ST14: variants seen among roughly 807,000 people sequenced by gnomAD.
The protein encoded by ST14 is ST14 transmembrane serine protease matriptase.
A neutral mutation model predicts 96.5 loss-of-function variants in ST14; 40 were observed. That is an observed-to-expected ratio of 0.41 (90% CI 0.32 to 0.54). The LOEUF (loss-of-function observed/expected upper bound fraction) is 0.54. Ranked by LOEUF, ST14 falls within the 20% of genes least tolerant of loss-of-function variation. ST14 has a pLI of 0.17. For missense variants in ST14, 1,066 were observed against 1,188.9 expected, an observed-to-expected ratio of 0.90 and a Z score of 1.52; for synonymous variants, 506 against 492.1, an observed-to-expected ratio of 1.03 and a Z score of -0.37.
At chr11:130,165,384 G>A (rs569627116) in intron 1 of ST14, among the ~76,000 whole-genome samples, 1 of 152,346 alleles carries the variant, frequency 6.6e-6, no homozygotes, top group Admixed American at 6.5e-5. Flanking sequence ...GCCTGGCCTG[G>A]TTGGCAGTGG....
At position 130,190,117 on chromosome 11, in the gene ST14, G is replaced by C. The variant is rs139316772; in HGVS notation, c.603G>C (p.Thr201=). The C allele has an allele frequency of 6.2e-7, 1 of 1,614,180 alleles. No individual in the cohort carries two copies. The highest frequency in any genetic ancestry group is 2.2e-5 in the East Asian group (1 of 44,872). ...ATTCTCCTTCTTATTCTTCAGCCAC[G>C]GACTCCAAAACAGTACAGAGGACCC... is the stretch of plus-strand genomic sequence containing the variant. ...FVVTSVVAFP[T]DSKTVQRTQD... Residue 201 remains threonine (T), a synonymous_variant, in exon 6 of 19, where the codon ACG becomes ACC. Transcript: ENST00000278742.
chr11:130,178,259 T>G (rs1284294801), intron 1 of ST14, among the ~76,000 whole-genome samples: 1 of 151,988 alleles, frequency 6.6e-6, no homozygotes, highest in African/African-American at 2.4e-5. Flanking sequence ...AGCTGGGTCA[T>G]TTGTCGGTCT....
At chr11:130,192,893 T>C (rs1321014962) in intron 7 of ST14, among the ~76,000 whole-genome samples, 6 of 152,206 alleles carry the variant, frequency 3.9e-5, no homozygotes, top group African/African-American at 1.2e-4. Flanking sequence ...ATGACATGGT[T>C]GTGAGCAGTG....
Position 130,180,097 on chromosome 11 carries a change from C to T in ST14, c.82-8017C>T, listed in dbSNP as rs144267328. On this transcript the variant is annotated intron_variant, in intron 1 of 18. Transcript: ENST00000278742. ...TCCGTCCCACCTTGGAGTCACCGAG[C>T]GTGTCAGTCAAGAGCCTTGGCCACA... Among the ~76,000 whole-genome samples the T allele has an allele frequency of 1.2e-3, 185 of 152,338 alleles. No individual in the cohort carries two copies. In the South Asian group the frequency reaches 0.017, roughly 14 times the overall value.
Position 130,190,553 on chromosome 11 carries a change from A to T in ST14, c.734A>T (p.Gln245Leu). The T allele has an allele frequency of 6.2e-7, 1 of 1,612,282 alleles. No individual in the cohort carries two copies. Among genetic ancestry groups the T allele is most frequent in the Non-Finnish European group, 8.5e-7 (1 of 1,179,824 alleles). The change falls in exon 7 of 19, where the codon CAG becomes CTG. Residue 245 changes from glutamine to leucine, a missense_variant. By Grantham distance (113) the Gln-to-Leu change is moderately radical. Transcript: ENST00000278742. Reference sequence around the variant, plus strand: ...CCCTACCCCGCTCATGCCCGCTGCCAGTGGGCCCTGCGGGGGGACGCCGAC... The same window carrying T: ...CCCTACCCCGCTCATGCCCGCTGCCTGTGGGCCCTGCGGGGGGACGCCGAC... ...DSPYPAHARCQWALRGDADSV... is the reference protein window; with the variant it reads ...DSPYPAHARCLWALRGDADSV...
At chr11:130,168,299 G>C (rs950234270) in intron 1 of ST14, among the ~76,000 whole-genome samples, 1 of 152,158 alleles carries the variant, frequency 6.6e-6, no homozygotes, top group African/African-American at 2.4e-5. Flanking sequence ...TTCTGGAAAC[G>C]GTGTCTTCAA....
chr11:130,171,888 A>C (rs1283748317), intron 1 of ST14, among the ~76,000 whole-genome samples: 1 of 152,208 alleles, frequency 6.6e-6, no homozygotes, highest in Non-Finnish European at 1.5e-5. Context: ...GTTAGGAAAA[A>C]GGGTTAATGA....
At chr11:130,194,036 G>A in intron 7 of ST14, 113 bp from the exon 8 acceptor site, 1 of 1,395,584 alleles carries the variant, frequency 7.2e-7, no homozygotes, top group Non-Finnish European at 1.0e-6. Context: ...CTGTGGATGG[G>A]ACCAGAGTTA....
At position 130,187,650 on chromosome 11, in the gene ST14, A is replaced by T; in HGVS notation, c.82-464A>T. On this transcript the variant is annotated intron_variant, in intron 1 of 18. Coordinates refer to ENST00000278742, the MANE Select transcript of ST14 (RefSeq NM_021978.4). This position sits in a 1 kb window ranked among gnomAD's most constrained non-coding sequence, Gnocchi z 4.5. ...AGGTGATGGGGGGATTGAATCTGGTAGGGGCTGTGTCCGAGGGAGCAGGGC... is the reference window on the plus strand; with the variant it reads ...AGGTGATGGGGGGATTGAATCTGGTTGGGGCTGTGTCCGAGGGAGCAGGGC... Among the ~76,000 whole-genome samples, 1 of 152,010 alleles carries T rather than the reference A, an allele frequency of 6.6e-6. No individual in the cohort carries two copies. Among genetic ancestry groups the T allele is most frequent in the East Asian group, 1.9e-4 (1 of 5,158 alleles).
chr11:130,201,048 T>C (rs1953422032), intron 16 of ST14, among the ~76,000 whole-genome samples: 1 of 152,242 alleles, frequency 6.6e-6, no homozygotes, highest in Admixed American at 6.5e-5. Flanking sequence ...GTTGTGAGAA[T>C]TAAATACAAT....
intron 1 of ST14, among the ~76,000 whole-genome samples, chr11:130,161,640 A>T (rs952600644): frequency 1.3e-5 from 2 of 152,254 alleles, no homozygotes; most frequent in Non-Finnish European, 1.5e-5. Context: ...CCCTGGCTTT[A>T]GTTTCCCCCA....
At chr11:130,177,145 G>GGGTC (rs924338554) in intron 1 of ST14, among the ~76,000 whole-genome samples, 2 of 152,106 alleles carry the variant, frequency 1.3e-5, no homozygotes, top group Admixed American at 1.3e-4. Flanking sequence ...CATCCTCAGG[G>GGGTC]GGTCATACAG....
Position 130,208,357 on chromosome 11 carries a change from C to A in ST14, c.1995-53C>A, listed in dbSNP as rs1953509438. 6 of 1,612,924 alleles carry A rather than the reference C, an allele frequency of 3.7e-6. No individual in the cohort carries two copies. In the Admixed American group the frequency reaches 8.3e-5, roughly 22 times the overall value. ...CTGGGAACGCGCGGGGCCGCGAGGCCGTGTGCACAGACCCGAGTGACCGCG... is the reference window on the plus strand; with the variant it reads ...CTGGGAACGCGCGGGGCCGCGAGGCAGTGTGCACAGACCCGAGTGACCGCG... On this transcript the variant is annotated intron_variant, in intron 16 of 18. Coordinates refer to ENST00000278742, the MANE Select transcript of ST14 (RefSeq NM_021978.4).
chr11:130,184,578 G>T (rs1322598950), intron 1 of ST14, among the ~76,000 whole-genome samples: 1 of 152,104 alleles, frequency 6.6e-6, no homozygotes, highest in African/African-American at 2.4e-5. Context: ...TCTCTTCTCT[G>T]CCAGGCTCAG....
intron 1 of ST14, among the ~76,000 whole-genome samples, chr11:130,179,965 C>T (rs758579875): frequency 3.9e-5 from 6 of 152,208 alleles, no homozygotes; most frequent in Non-Finnish European, 5.9e-5. Flanking sequence ...CCCGGGGAAA[C>T]CCTTGCAGGT....
At chr11:130,185,621 A>T (rs1055610200) in intron 1 of ST14, among the ~76,000 whole-genome samples, 4 of 152,154 alleles carry the variant, frequency 2.6e-5, no homozygotes, top group Non-Finnish European at 5.9e-5. Flanking sequence ...AGACCACTGC[A>T]CTCCAGCCTG....
Position 130,208,674 on chromosome 11 carries a change from C to A in ST14, c.2259C>A (p.Thr753=). Residue 753 remains threonine (T), a synonymous_variant, in exon 17 of 19, where the codon ACC becomes ACA. Coordinates refer to ENST00000278742, the MANE Select transcript of ST14 (RefSeq NM_021978.4). Reference sequence around the variant, plus strand: ...TCTGGGTCACGGGCTGGGGACACACCCAGTATGGAGGTAAGCTTCGGGCTG... The same window carrying A: ...TCTGGGTCACGGGCTGGGGACACACACAGTATGGAGGTAAGCTTCGGGCTG... ...KAIWVTGWGH[T]QYGGTGALIL... 1.2e-6 allele frequency: 2 copies of A among 1,613,374 alleles called. No individual in the cohort carries two copies. The highest frequency in any genetic ancestry group is 1.7e-6 in the Non-Finnish European group (2 of 1,179,670).
chr11:130,170,209 G>T (rs1332367757), intron 1 of ST14, among the ~76,000 whole-genome samples: 1 of 152,176 alleles, frequency 6.6e-6, no homozygotes, highest in African/African-American at 2.4e-5. Flanking sequence ...ACCCCAGAGA[G>T]CCTGGGGGAC....
Position 130,188,776 on chromosome 11 carries a change from G to A in ST14, c.370-93G>A. The A allele has an allele frequency of 5.6e-6, 9 of 1,605,224 alleles. No homozygotes were observed. The highest frequency in any genetic ancestry group is 7.7e-6 in the Non-Finnish European group (9 of 1,174,058). ...CCCTGGGATGGGGGTGATCTGCAAA[G>A]GGGACCCGGGCCCTGGAGGGGAGGG... On this transcript the variant is annotated intron_variant, in intron 3 of 18. Coordinates refer to ENST00000278742, the MANE Select transcript of ST14 (RefSeq NM_021978.4). The surrounding 1 kb of genome is among the most constrained non-coding windows in gnomAD (Gnocchi z 5.4).
Sources: allele counts gnomAD v4.1 joint callset (sites outside exome capture counted in the v4.1 genomes callset), GRCh38; gene constraint gnomAD v4.1.1; non-coding constraint Gnocchi (gnomAD v3.1); transcripts MANE v1.5; gene names NCBI Gene and HGNC (gene_info 2026-07-23, HGNC 2026-07-21).